Variants in GRIA4 observed in about 807,000 individuals in gnomAD.
The protein encoded by GRIA4 is glutamate ionotropic receptor AMPA type subunit 4.
GRIA4 carries 34 observed loss-of-function variants against 104.0 expected under a neutral mutation model. That is an observed-to-expected ratio of 0.33 (90% CI 0.25 to 0.44). GRIA4 has a LOEUF of 0.44. Among genes scored for constraint, GRIA4 ranks in the 20% least tolerant of loss-of-function variants. GRIA4 has a pLI of 1.00. For missense variants in GRIA4, 750 were observed against 1,096.5 expected (o/e 0.68, Z 4.46); for synonymous variants, 386 against 381.9 (o/e 1.01, Z -0.13).
chr11:105,681,241 C>A (rs1013659430), intron 3 of GRIA4, among the ~76,000 whole-genome samples: 4 of 152,166 alleles, frequency 2.6e-5, no homozygotes, highest in Non-Finnish European at 5.9e-5. Context: ...GCACTTGTTG[C>A]TAAAATTAGA....
At chr11:105,691,752 T>C (rs180811876) in intron 3 of GRIA4, among the ~76,000 whole-genome samples, 1 of 151,954 alleles carries the variant, frequency 6.6e-6, no homozygotes, top group African/African-American at 2.4e-5. Flanking sequence ...CTGGCCAACA[T>C]GGTGACACCC....
chr11:105,951,897 G>A (rs576290094), intron 14 of GRIA4, among the ~76,000 whole-genome samples: 6 of 152,192 alleles, frequency 3.9e-5, no homozygotes, highest in Non-Finnish European at 8.8e-5. Flanking sequence ...CGGGAGGTCA[G>A]GGCTGCAGTG....
chr11:105,740,464 T>G (rs1396362538), intron 3 of GRIA4, among the ~76,000 whole-genome samples: 1 of 152,236 alleles, frequency 6.6e-6, no homozygotes, highest in East Asian at 1.9e-4. Context: ...TCTGCAAATA[T>G]TAATTGAACA....
At chr11:105,968,767 T>G (rs1428110714) in intron 14 of GRIA4, among the ~76,000 whole-genome samples, 3 of 152,168 alleles carry the variant, frequency 2.0e-5, no homozygotes, top group East Asian at 3.9e-4. Context: ...TAGCAAAAAT[T>G]TACTACTTGA....
chr11:105,956,386 G>A (rs1948591221), intron 14 of GRIA4, among the ~76,000 whole-genome samples: 4 of 151,966 alleles, frequency 2.6e-5, no homozygotes, highest in Admixed American at 2.0e-4. Flanking sequence ...GCAATAGTTT[G>A]CCCAGAATGA....
intron 3 of GRIA4, among the ~76,000 whole-genome samples, chr11:105,646,026 A>C (rs2135367055): frequency 6.6e-6 from 1 of 152,320 alleles, no homozygotes; most frequent in Non-Finnish European, 1.5e-5. Flanking sequence ...GGTCTTTGAC[A>C]TTTTCCATTA....
chr11:105,912,252 G>A (rs1265782275), intron 10 of GRIA4: 12 of 979,816 alleles, frequency 1.2e-5, no homozygotes, highest in South Asian at 4.7e-5. Flanking sequence ...TAAATATCTC[G>A]GAATTTGTGT....
chr11:105,678,922 G>T (rs983688281), intron 3 of GRIA4, among the ~76,000 whole-genome samples: 11 of 152,022 alleles, frequency 7.2e-5, no homozygotes, highest in African/African-American at 2.7e-4. Flanking sequence ...CCCTGGAAAA[G>T]GTTCCAAAAC....
At chr11:105,969,223 TGACAACCAATGCAA>T (rs1435265076) in intron 14 of GRIA4, among the ~76,000 whole-genome samples, 2 of 152,010 alleles carry the variant, frequency 1.3e-5, no homozygotes. Context: ...ATCACAGCCA[TGACAACCAATGCAA>T]GAATAAAGGA....
chr11:105,930,241 A>G (rs967052164), intron 13 of GRIA4, among the ~76,000 whole-genome samples: 1 of 152,220 alleles, frequency 6.6e-6, no homozygotes, highest in East Asian at 1.9e-4. Context: ...TATTACTTCC[A>G]GTCCTACGCC....
chr11:105,891,012 CA>C (rs1216368523), intron 6 of GRIA4, among the ~76,000 whole-genome samples: 1 of 152,160 alleles, frequency 6.6e-6, no homozygotes, highest in African/African-American at 2.4e-5. Flanking sequence ...AAAAATTTCC[CA>C]GAGAAGTAGA....
intron 3 of GRIA4, among the ~76,000 whole-genome samples, chr11:105,733,255 G>C (rs766567715): frequency 6.6e-6 from 1 of 152,154 alleles, no homozygotes; most frequent in Non-Finnish European, 1.5e-5. Context: ...ATACTTTAGA[G>C]AAGATACGGT....
chr11:105,852,025 G>T (rs546048488), intron 4 of GRIA4, among the ~76,000 whole-genome samples: 1 of 152,280 alleles, frequency 6.6e-6, no homozygotes, highest in East Asian at 1.9e-4. Context: ...AGTGAAAGAA[G>T]AAATAAATAG....
At chr11:105,820,246 T>G (rs931319549) in intron 4 of GRIA4, among the ~76,000 whole-genome samples, 5 of 152,080 alleles carry the variant, frequency 3.3e-5, no homozygotes, top group Admixed American at 3.3e-4. Flanking sequence ...TTTTCACAGA[T>G]AAGGAAACTC....
At chr11:105,880,870 C>A (rs1250699950) in intron 5 of GRIA4, among the ~76,000 whole-genome samples, 1 of 152,030 alleles carries the variant, frequency 6.6e-6, no homozygotes, top group Non-Finnish European at 1.5e-5. Context: ...TAGAATGATA[C>A]AGAGATGAAA....
At chr11:105,960,743 G>C (rs542421735) in intron 14 of GRIA4, among the ~76,000 whole-genome samples, 9 of 152,360 alleles carry the variant, frequency 5.9e-5, no homozygotes, top group African/African-American at 2.2e-4. Flanking sequence ...TGGGACGCTA[G>C]GCCCCAGTGG....
At chr11:105,827,546 G>A (rs913287900) in intron 4 of GRIA4, among the ~76,000 whole-genome samples, 2 of 151,876 alleles carry the variant, frequency 1.3e-5, no homozygotes, top group African/African-American at 2.4e-5. Flanking sequence ...ACAGTCAGAG[G>A]ATGATAGAAA....
chr11:105,681,230 T>C (rs1233173866), intron 3 of GRIA4, among the ~76,000 whole-genome samples: 2 of 152,230 alleles, frequency 1.3e-5, no homozygotes, highest in African/African-American at 4.8e-5. Context: ...TAGTTTTGCA[T>C]GCACTTGTTG....
intron 5 of GRIA4, among the ~76,000 whole-genome samples, chr11:105,885,782 T>G (rs1188370834): frequency 6.6e-6 from 1 of 152,264 alleles, no homozygotes. Context: ...GCAGATTGTA[T>G]TTTGAATTTA....
Sources: allele counts gnomAD v4.1 joint callset (sites outside exome capture counted in the v4.1 genomes callset), GRCh38; gene constraint gnomAD v4.1.1; transcripts MANE v1.5; gene names NCBI Gene and HGNC (gene_info 2026-07-23, HGNC 2026-07-21).